Variants in PHACTR2 observed in about 807,000 individuals in gnomAD.
PHACTR2 encodes phosphatase and actin regulator 2.
Under a neutral mutation model 76.0 loss-of-function variants are expected in PHACTR2, and 30 were observed. The observed-to-expected ratio is 0.39, with a 90% CI of 0.30 to 0.54. The LOEUF (loss-of-function observed/expected upper bound fraction) is 0.54. Ranked by LOEUF, PHACTR2 falls within the 20% of genes least tolerant of loss-of-function variation. PHACTR2 has a pLI of 0.61. For missense variants in PHACTR2, 696 were observed against 781.1 expected, an observed-to-expected ratio of 0.89 and a Z score of 1.30; for synonymous variants, 292 against 292.5, an observed-to-expected ratio of 1.00 and a Z score of 0.02.
intron 2 of PHACTR2, among the ~76,000 whole-genome samples, chr6:143,728,650 G>A (rs2128465099): frequency 6.6e-6 from 1 of 152,190 alleles, no homozygotes; most frequent in Non-Finnish European, 1.5e-5. Context: ...ATAGACCAAT[G>A]GAATAGAATA....
intron 2 of PHACTR2, among the ~76,000 whole-genome samples, chr6:143,727,516 A>G (rs2128464793): frequency 6.6e-6 from 1 of 151,962 alleles, no homozygotes; most frequent in South Asian, 2.1e-4. Flanking sequence ...CTCTATTTTT[A>G]GTTTTTTTGA....
intron 2 of PHACTR2, among the ~76,000 whole-genome samples, chr6:143,736,554 A>ATTTTTTTTTTTTT (rs776969170): frequency 3.5e-5 from 2 of 56,990 alleles, no homozygotes; most frequent in African/African-American, 1.3e-4. Flanking sequence ...ACCCTTTACA[A>ATTTTTTTTTTTTT]TTTTTTTTTT....
intron 4 of PHACTR2, among the ~76,000 whole-genome samples, chr6:143,759,372 GGCCAGGCATGGTGGCTCAT>G (rs1779377239): frequency 6.6e-6 from 1 of 152,156 alleles, no homozygotes; most frequent in East Asian, 1.9e-4. Flanking sequence ...TATTTGAAAA[GGCCAGGCATGGTGGCTCAT>G]GCCTGTAATC....
At chr6:143,569,864 T>C (rs1374415562) in intron 1 of PHACTR2, among the ~76,000 whole-genome samples, 1 of 152,210 alleles carries the variant, frequency 6.6e-6, no homozygotes, top group East Asian at 1.9e-4. Flanking sequence ...AGAAATGCTA[T>C]TCAAATGACT....
At chr6:143,661,275 C>T (rs1252344544) in intron 1 of PHACTR2, among the ~76,000 whole-genome samples, 10 of 152,060 alleles carry the variant, frequency 6.6e-5, no homozygotes, top group Non-Finnish European at 4.4e-5. Flanking sequence ...TAATAGTATT[C>T]AGTGTTGGTT....
chr6:143,665,842 G>A (rs186142076), intron 1 of PHACTR2, among the ~76,000 whole-genome samples: 47 of 152,152 alleles, frequency 3.1e-4, no homozygotes, highest in Non-Finnish European at 6.3e-4. Context: ...CAACCTTATC[G>A]CACTCGTAGT....
At chr6:143,650,041 C>T (rs1424536061) in intron 1 of PHACTR2, among the ~76,000 whole-genome samples, 1 of 152,168 alleles carries the variant, frequency 6.6e-6, no homozygotes, top group Non-Finnish European at 1.5e-5. Context: ...TCCTTTACAT[C>T]AACAACAGGC....
In PHACTR2 at chr6:143,750,358, T is replaced by G. The variant is rs1779156816; in HGVS notation, c.295+1293T>G. ...ATGCACATTTCTAACTTTTTAAACT[T>G]AAAGGTAGGCTTGCAATATCAAAAT... On this transcript the variant is annotated intron_variant, in intron 3 of 12. Coordinates refer to ENST00000440869, the MANE Select transcript of PHACTR2 (RefSeq NM_001100164.2). This position sits in a 1 kb window ranked among gnomAD's most constrained non-coding sequence, Gnocchi z 4.6. Among the ~76,000 whole-genome samples, 2 of 152,200 alleles carry G rather than the reference T, an allele frequency of 1.3e-5. No homozygotes were observed. The highest frequency in any genetic ancestry group is 1.3e-4 in the Admixed American group (2 of 15,272).
intron 1 of PHACTR2, among the ~76,000 whole-genome samples, chr6:143,630,863 C>T (rs1372029658): frequency 6.6e-6 from 1 of 152,192 alleles, no homozygotes; most frequent in Admixed American, 6.5e-5. Context: ...GGAGAGAACT[C>T]TTGAACTCCA....
rs1205306731 is a variant in PHACTR2, at chr6:143,774,176, G to A, written c.1550G>A (p.Arg517Lys). ...TTGCAGCGTACATCTGAAGAAGAGAGGCAGGAAATCCGACAACAAATTGGA... is the reference window on the plus strand; with the variant it reads ...TTGCAGCGTACATCTGAAGAAGAGAAGCAGGAAATCCGACAACAAATTGGA... ...NILQRTSEEE[R>K]QEIRQQIGTK... The change falls in exon 8 of 13, where the codon AGG becomes AAG. Residue 517 changes from arginine (R) to lysine (K), a missense_variant. Arg to Lys is a conservative substitution (Grantham distance 26, BLOSUM62 2). This residue lies in a region of PHACTR2 where 236 missense variants were observed against 330.2 expected (regional missense o/e 0.71). Transcript: ENST00000440869. This position sits in a 1 kb window ranked among gnomAD's most constrained non-coding sequence, Gnocchi z 5.4. 1.9e-6 allele frequency: 3 copies of A among 1,614,064 alleles called. No homozygotes were observed. The highest frequency in any genetic ancestry group is 2.2e-5 in the South Asian group (2 of 91,058).
chr6:143,769,995 A>G (rs117244229), intron 6 of PHACTR2, among the ~76,000 whole-genome samples: 2,679 of 152,330 alleles, frequency 0.018, 71 homozygotes, highest in Admixed American at 0.063. Flanking sequence ...CAGCAATTCT[A>G]CTTCCATGTA....
chr6:143,737,862 G>C (rs934103290), intron 2 of PHACTR2, among the ~76,000 whole-genome samples: 3 of 152,200 alleles, frequency 2.0e-5, no homozygotes, highest in Non-Finnish European at 4.4e-5. Context: ...TACAAATACT[G>C]TGCTCTCTGT....
upstream of PHACTR2, among the ~76,000 whole-genome samples, chr6:143,604,540 A>C (rs1775847101): frequency 6.6e-6 from 1 of 152,146 alleles, no homozygotes; most frequent in South Asian, 2.1e-4. Context: ...TATTGCCATC[A>C]GTTCTTCTCT....
chr6:143,678,286 TTAG>T lies in PHACTR2; in HGVS notation c.46+79_46+81del, dbSNP rs1777298802. On this transcript the variant is annotated intron_variant, in intron 1 of 12. Transcript: ENST00000440869. This position sits in a 1 kb window ranked among gnomAD's most constrained non-coding sequence, Gnocchi z 6.2. ...CGGCGGGGCCCCGGGGCAGGCAGGG[TTAG>T]TCGTCTGGTCGGGTTCCGCTCGGAC... 1 of 1,330,854 alleles carries T rather than the reference TTAG, an allele frequency of 7.5e-7. No individual in the cohort carries two copies. Among genetic ancestry groups the T allele is most frequent in the African/African-American group, 1.6e-5 (1 of 63,798 alleles). 82.4% of individuals were successfully genotyped at this position (1,330,854 alleles called of 1,614,324 possible).
chr6:143,779,192 C>T (rs1346689508), intron 9 of PHACTR2, among the ~76,000 whole-genome samples: 1 of 152,206 alleles, frequency 6.6e-6, no homozygotes, highest in East Asian at 1.9e-4. Flanking sequence ...GCCTAACTTA[C>T]AAACACTCTA....
intron 1 of PHACTR2, among the ~76,000 whole-genome samples, chr6:143,649,771 GA>G (rs1270940815): frequency 1.3e-5 from 2 of 152,168 alleles, no homozygotes; most frequent in African/African-American, 4.8e-5. Context: ...GCATTCACCT[GA>G]AAACCAGCAC....
At chr6:143,770,074 A>G (rs1033813268) in intron 6 of PHACTR2, among the ~76,000 whole-genome samples, 1 of 152,214 alleles carries the variant, frequency 6.6e-6, no homozygotes, top group Non-Finnish European at 1.5e-5. Context: ...ATTATTCACA[A>G]TAGCCAAAAG....
rs940242710 is a variant in PHACTR2 at position 143,801,525 on chromosome 6, C to T, written c.1846-5532C>T. Among the ~76,000 whole-genome samples the T allele has an allele frequency of 3.3e-5, 5 of 152,218 alleles. No individual in the cohort carries two copies. In the South Asian group the frequency reaches 6.2e-4, roughly 19 times the overall value. On this transcript the variant is annotated intron_variant, in intron 11 of 12. Transcript: ENST00000440869. The surrounding 1 kb of genome is among the most constrained non-coding windows in gnomAD (Gnocchi z 4.6). The stretch of plus-strand genomic sequence containing the variant: ...GCTTGTGTATGCTTCACGGAGTTCT[C>T]GTACTGTAGTTTTCAGCTCCATCAG...
At chr6:143,779,942 A>ATATTATAT (rs1775385647) in intron 9 of PHACTR2, among the ~76,000 whole-genome samples, 1 of 137,364 alleles carries the variant, frequency 7.3e-6, no homozygotes, top group Non-Finnish European at 1.6e-5. Context: ...ATATTATATT[A>ATATTATAT]TATTATATTT....
Sources: allele counts gnomAD v4.1 joint callset (sites outside exome capture counted in the v4.1 genomes callset), GRCh38; gene constraint gnomAD v4.1.1; regional missense constraint gnomAD v4.1.1; non-coding constraint Gnocchi (gnomAD v3.1); transcripts MANE v1.5; gene names NCBI Gene and HGNC (gene_info 2026-07-23, HGNC 2026-07-21).